The following NCLN variants were observed in gnomAD, a reference collection of about 807,000 sequenced individuals.
NCLN encodes nicalin, also known as BOS complex subunit NCLN.
NCLN carries 34 observed loss-of-function variants against 69.5 expected under a neutral mutation model. That is an observed-to-expected ratio of 0.49 (90% CI 0.37 to 0.65). The LOEUF is 0.65. Among genes scored for constraint, NCLN ranks in the 30% least tolerant of loss-of-function variants. The probability of loss-of-function intolerance (pLI) is 0.00; values close to 1 mark genes in which losing one functional copy is unlikely to be tolerated. For synonymous variants in NCLN, 393 were observed against 358.3 expected (o/e 1.10, Z -1.09); for missense variants, 710 against 804.8 (o/e 0.88, Z 1.42).
chr19:3,191,472 T>G (rs890804853), intron 1 of NCLN, among the ~76,000 whole-genome samples: 5 of 152,148 alleles, frequency 3.3e-5, no homozygotes, highest in Non-Finnish European at 7.3e-5. Flanking sequence ...CCCCAGCCCC[T>G]GGATTTCTAG....
intron 1 of NCLN, among the ~76,000 whole-genome samples, chr19:3,191,825 C>T (rs1337316294): frequency 6.6e-6 from 1 of 152,186 alleles, no homozygotes; most frequent in East Asian, 1.9e-4. Flanking sequence ...GAGCCCTGGT[C>T]TAGGATCCTG....
intron 1 of NCLN, among the ~76,000 whole-genome samples, chr19:3,187,747 A>G (rs949434260): frequency 1.3e-5 from 2 of 152,144 alleles, no homozygotes; most frequent in Non-Finnish European, 2.9e-5. Flanking sequence ...CCTAATGTCC[A>G]CAGTGTCCAG....
chr19:3,191,385 C>T (rs990771062), intron 1 of NCLN, among the ~76,000 whole-genome samples: 10 of 152,186 alleles, frequency 6.6e-5, no homozygotes, highest in Non-Finnish European at 1.0e-4. Context: ...AGGCTCTCAG[C>T]GACGGCCGTG....
chr19:3,193,717 C>T (rs1043239410), intron 3 of NCLN, among the ~76,000 whole-genome samples: 20 of 152,242 alleles, frequency 1.3e-4, no homozygotes, highest in African/African-American at 4.3e-4. Context: ...TTCCGATCCT[C>T]AGGGGCTCGG....
intron 4 of NCLN, among the ~76,000 whole-genome samples, chr19:3,197,589 G>A (rs1915999561): frequency 2.7e-5 from 4 of 149,686 alleles, no homozygotes; most frequent in Admixed American, 2.7e-4. Context: ...TTACTGTCAT[G>A]TGCCACCACG....
Position 3,185,935 on chromosome 19 carries a change from C to A in NCLN, c.-96C>A. ...CTGCCCCGCGCGGCGCCCGCAGGAC[C>A]CCGGCGGCTACCCATGCCGAGGTGA... On this transcript the variant is annotated 5_prime_UTR_variant, in exon 1 of 15. Transcript: ENST00000246117. 1 of 949,192 alleles carries A rather than the reference C, an allele frequency of 1.1e-6. No individual in the cohort carries two copies. Among genetic ancestry groups the A allele is most frequent in the Non-Finnish European group, 1.4e-6 (1 of 737,654 alleles). 58.8% of individuals were successfully genotyped at this position (949,192 alleles called of 1,614,324 possible). A position where few individuals can be genotyped will look rare whatever the true frequency, so the allele number is the denominator to read the frequency against.
At chr19:3,194,177 C>T (rs993368373) in intron 3 of NCLN, among the ~76,000 whole-genome samples, 3 of 152,094 alleles carry the variant, frequency 2.0e-5, no homozygotes, top group Admixed American at 6.5e-5. Flanking sequence ...GTCAGGAGTT[C>T]GAGACCAGCC....
intron 5 of NCLN, among the ~76,000 whole-genome samples, chr19:3,199,526 C>T (rs1916066305): frequency 6.6e-6 from 1 of 152,160 alleles, no homozygotes; most frequent in African/African-American, 2.4e-5. Flanking sequence ...TTTGCAGGAA[C>T]AGCTTTGGAC....
chr19:3,201,683 G>A (rs1001935835), intron 6 of NCLN, 57 bp downstream of exon 6: 25 of 1,324,152 alleles, frequency 1.9e-5, no homozygotes, highest in Non-Finnish European at 2.4e-5. Context: ...GCCGGACAGC[G>A]CTGCCCACCA....
At chr19:3,186,277 G>T in intron 1 of NCLN, 63 bp downstream of exon 1, 1 of 1,392,354 alleles carries the variant, frequency 7.2e-7, no homozygotes, top group Non-Finnish European at 9.3e-7. Context: ...CTCCGGCCCG[G>T]CGATCCCCAG....
Position 3,187,639 on chromosome 19 carries a change from G to A in NCLN, c.184+1425G>A, listed in dbSNP as rs529327111. On this transcript the variant is annotated intron_variant, in intron 1 of 14. Coordinates refer to ENST00000246117, the MANE Select transcript of NCLN (RefSeq NM_020170.4). Reference sequence around the variant, plus strand: ...GTCTGGGGACATCTGTGGTTGTCACGACCACGGGTGCTCCTGGCATGGAGT... The same window carrying A: ...GTCTGGGGACATCTGTGGTTGTCACAACCACGGGTGCTCCTGGCATGGAGT... 9.2e-4 allele frequency among the ~76,000 whole-genome samples: 140 copies of A among 152,306 alleles called. 1 individual carries two copies. Among genetic ancestry groups the A allele is most frequent in the African/African-American group, 3.3e-3 (137 of 41,570 alleles).
At chr19:3,195,039 T>C (rs1285670413) in intron 3 of NCLN, among the ~76,000 whole-genome samples, 2 of 151,842 alleles carry the variant, frequency 1.3e-5, no homozygotes, top group African/African-American at 4.8e-5. Context: ...CCAGGTGTGG[T>C]GGTGCATGCC....
At chr19:3,199,027 C>T (rs775200197) in intron 5 of NCLN, 130 bp downstream of exon 5, 124 of 582,732 alleles carry the variant, frequency 2.1e-4, no homozygotes, top group Non-Finnish European at 2.9e-4. Flanking sequence ...GGCCTTTGCC[C>T]GTCATCCTGG....
chr19:3,193,248 G>C (rs1568310787), intron 2 of NCLN, 36 bp from the exon 3 acceptor site: 1 of 1,518,264 alleles, frequency 6.6e-7, no homozygotes. Flanking sequence ...ACCCCCACCA[G>C]GCCAGCAGCC....
intron 1 of NCLN, among the ~76,000 whole-genome samples, chr19:3,188,636 C>T (rs1368573850): frequency 6.6e-6 from 1 of 152,222 alleles, no homozygotes; most frequent in Non-Finnish European, 1.5e-5. Flanking sequence ...TCACTGGCCT[C>T]CTCCCCTGTA....
In NCLN at chr19:3,208,051, C is replaced by T. The variant is rs948776590; in HGVS notation, c.*363C>T. ...CCGGGACCCCCTGCCCGATCGCGCG[C>T]GGCCTCCGCCCACCGCCTCCTGCCG... On this transcript the variant is annotated 3_prime_UTR_variant, in exon 15 of 15. Coordinates refer to ENST00000246117, the MANE Select transcript of NCLN (RefSeq NM_020170.4). 3.9e-5 allele frequency: 10 copies of T among 255,714 alleles called. No homozygotes were observed. Among genetic ancestry groups the T allele is most frequent in the African/African-American group, 9.0e-5 (4 of 44,564 alleles). 15.8% of individuals were successfully genotyped at this position (255,714 alleles called of 1,614,324 possible).
At chr19:3,193,498 G>T in intron 3 of NCLN, 70 bp downstream of exon 3, 1 of 1,481,790 alleles carries the variant, frequency 6.7e-7, no homozygotes, top group Non-Finnish European at 9.0e-7. Flanking sequence ...CCCAAGGGCT[G>T]CGGTCACCCT....
chr19:3,186,349 C>T, intron 1 of NCLN, 135 bp downstream of exon 1: 3 of 1,032,008 alleles, frequency 2.9e-6, no homozygotes, highest in Non-Finnish European at 3.9e-6. Flanking sequence ...CGAGGCAGAG[C>T]CCTGCCGCCC....
At position 3,205,302 on chromosome 19, in the gene NCLN, G is replaced by A. The variant is rs1405326820; in HGVS notation, c.1208+551G>A. 2.0e-5 allele frequency among the ~76,000 whole-genome samples: 3 copies of A among 152,148 alleles called. No homozygotes were observed. Among genetic ancestry groups the A allele is most frequent in the African/African-American group, 4.8e-5 (2 of 41,420 alleles). On this transcript the variant is annotated intron_variant, in intron 9 of 14. Transcript: ENST00000246117. The surrounding 1 kb of genome is among the most constrained non-coding windows in gnomAD (Gnocchi z 4.6). ...CCAGTCCTGGCACCAGCAGGTGGGCGCCGTCTCCTCCCCCAGCGCCCGCAG... is the reference window on the plus strand; with the variant it reads ...CCAGTCCTGGCACCAGCAGGTGGGCACCGTCTCCTCCCCCAGCGCCCGCAG...
Sources: allele counts gnomAD v4.1 joint callset (sites outside exome capture counted in the v4.1 genomes callset), GRCh38; gene constraint gnomAD v4.1.1; non-coding constraint Gnocchi (gnomAD v3.1); transcripts MANE v1.5; gene names NCBI Gene and HGNC (gene_info 2026-07-23, HGNC 2026-07-21).